Variants in STAT3 observed in about 807,000 individuals in gnomAD.
The protein encoded by STAT3 is signal transducer and activator of transcription 3.
A neutral mutation model predicts 114.3 loss-of-function variants in STAT3; 7 were observed. The observed-to-expected ratio is 0.06, with a 90% confidence interval of 0.03 to 0.11. The LOEUF (loss-of-function observed/expected upper bound fraction) is 0.11, where lower values mean the gene tolerates loss of function less well. Among genes scored for constraint, STAT3 ranks in the 10% least tolerant of loss-of-function variants. The probability of loss-of-function intolerance (pLI) is 1.00; values close to 1 mark genes in which losing one functional copy is unlikely to be tolerated. For synonymous variants in STAT3, 331 were observed against 354.5 expected (o/e 0.93, Z 0.74); for missense variants, 364 against 960.9 (o/e 0.38, Z 8.21).
In STAT3 at chr17:42,367,197, G is replaced by A. The variant is rs542368384; in HGVS notation, c.-23-18658C>T. On this transcript the variant is annotated intron_variant, in intron 1 of 23. Coordinates refer to ENST00000264657, the MANE Select transcript of STAT3 (RefSeq NM_139276.3). ...ATAAAAATAAAAACAGAAATTCGCC[G>A]GCATGGTGGCCCAAGCCTGTAATCC... is the stretch of plus-strand genomic sequence containing the variant. Among the ~76,000 whole-genome samples, 19 of 151,842 alleles carry A rather than the reference G, an allele frequency of 1.3e-4. 2 individuals carry two copies. The highest frequency in any genetic ancestry group is 3.4e-4 in the African/African-American group (14 of 41,404).
chr17:42,330,141 A>G (rs1487998379), intron 11 of STAT3, among the ~76,000 whole-genome samples: 1 of 146,902 alleles, frequency 6.8e-6, no homozygotes. Context: ...TTTTTGAGAT[A>G]GTTTCGCTCT....
chr17:42,365,774 A>G (rs982706349), intron 1 of STAT3, among the ~76,000 whole-genome samples: 3 of 150,076 alleles, frequency 2.0e-5, no homozygotes, highest in African/African-American at 7.4e-5. Flanking sequence ...TCCTGCCTCA[A>G]CCTCCCAAGT....
intron 14 of STAT3, among the ~76,000 whole-genome samples, chr17:42,327,830 G>A (rs909604205): frequency 2.5e-4 from 38 of 152,038 alleles, no homozygotes; most frequent in African/African-American, 8.7e-4. Context: ...GGTGGATCAC[G>A]AGGTCAGGAG....
chr17:42,336,335 A>T (rs571894877), intron 8 of STAT3, among the ~76,000 whole-genome samples: 1 of 152,198 alleles, frequency 6.6e-6, no homozygotes, highest in Non-Finnish European at 1.5e-5. Flanking sequence ...GGCAGCTCAC[A>T]TCTATAATTC....
At chr17:42,372,366 C>G (rs2084198263) in intron 1 of STAT3, among the ~76,000 whole-genome samples, 1 of 152,086 alleles carries the variant, frequency 6.6e-6, no homozygotes, top group Non-Finnish European at 1.5e-5. Context: ...TAGAGTATTA[C>G]TCACCAATGA....
rs767594035 is a variant in STAT3, at chr17:42,346,695, T to C, written c.147A>G (p.Lys49=). The C allele has an allele frequency of 2.2e-5, 35 of 1,614,148 alleles. No individual in the cohort carries two copies. The highest frequency in any genetic ancestry group is 2.6e-5 in the Non-Finnish European group (31 of 1,180,022). ...GAAACACCAAAGTGGCATGTGATTC[T>C]TTGCTGGCCGCATATGCCCTAGGAA... ...ESQDWAYAAS[K]ESHATLVFHN... is the part of the protein sequence containing the mutation. The change falls in exon 3 of 24, where the codon AAA becomes AAG. Residue 49 remains lysine (K), a synonymous_variant. Transcript: ENST00000264657.
At position 42,346,641 on chromosome 17, in the gene STAT3, C is replaced by T; in HGVS notation, c.201G>A (p.Gln67=). 1 of 1,614,170 alleles carries T rather than the reference C, an allele frequency of 6.2e-7. No individual in the cohort carries two copies. Among genetic ancestry groups the T allele is most frequent in the Non-Finnish European group, 8.5e-7 (1 of 1,180,034 alleles). ...FHNLLGEIDQ[Q]YSRFLQESNV... ...TCGACTCTTGCAGGAAGCGGCTATA[C>T]TGCTGGTCAATCTCTCCCAGGAGAT... The change falls in exon 3 of 24, where the codon CAG becomes CAA. Residue 67 remains glutamine, a synonymous_variant. Transcript: ENST00000264657.
intron 1 of STAT3, among the ~76,000 whole-genome samples, chr17:42,370,483 T>C (rs1010112326): frequency 1.3e-5 from 2 of 151,842 alleles, no homozygotes. Context: ...TGACCTCGGG[T>C]GATCTGCCCA....
chr17:42,360,419 T>C (rs1408345720), intron 1 of STAT3, among the ~76,000 whole-genome samples: 1 of 151,542 alleles, frequency 6.6e-6, no homozygotes, highest in Non-Finnish European at 1.5e-5. Flanking sequence ...CTGAGGCAGG[T>C]GGATCACCTG....
chr17:42,338,915 A>C, intron 5 of STAT3, 103 bp from the exon 6 acceptor site: 1 of 1,075,048 alleles, frequency 9.3e-7, no homozygotes, highest in East Asian at 2.4e-5. Context: ...CCAAAACCTC[A>C]AAAAAGATAC....
intron 1 of STAT3, among the ~76,000 whole-genome samples, chr17:42,367,583 T>G (rs1403525332): frequency 6.6e-6 from 1 of 152,146 alleles, no homozygotes; most frequent in Non-Finnish European, 1.5e-5. Context: ...CCTAGATATC[T>G]CCATGGCTTG....
chr17:42,330,174 T>C (rs992183589), intron 11 of STAT3, among the ~76,000 whole-genome samples: 1 of 151,730 alleles, frequency 6.6e-6, no homozygotes, highest in African/African-American at 2.4e-5. Flanking sequence ...TGGAGTGCAA[T>C]GGTGTGATCT....
rs1215383977 is a variant in STAT3 at position 42,323,765 on chromosome 17, T to TTG, written c.1601-142_1601-141dup. On this transcript the variant is annotated intron_variant, in intron 17 of 23. Coordinates refer to ENST00000264657, the MANE Select transcript of STAT3 (RefSeq NM_139276.3). ...TTCACATCTTTGAAGGTAGGCACTGTTGTGTGTGTGCACATGAGGACAAAC... is the reference window on the plus strand; with the variant it reads ...TTCACATCTTTGAAGGTAGGCACTGTTGTGTGTGTGTGCACATGAGGACAAAC... 3.6e-6 allele frequency: 3 copies of TTG among 824,524 alleles called. No individual in the cohort carries two copies. The East Asian group carries it at 7.9e-5, about 22-fold the overall frequency. 51.1% of individuals were successfully genotyped at this position (824,524 alleles called of 1,614,324 possible).
At chr17:42,334,699 C>G (rs2082160709) in intron 8 of STAT3, among the ~76,000 whole-genome samples, 1 of 152,136 alleles carries the variant, frequency 6.6e-6, no homozygotes, top group Non-Finnish European at 1.5e-5. Context: ...TCTGCCTCGA[C>G]CTCCCGAAGT....
At chr17:42,334,187 T>G in intron 8 of STAT3, 138 bp from the exon 9 acceptor site, 3 of 944,840 alleles carry the variant, frequency 3.2e-6, no homozygotes, top group East Asian at 2.6e-5. Context: ...GAAATATATA[T>G]AGCATGAAAT....
chr17:42,356,634 TTGTGTTTG>T (rs1336158975), intron 1 of STAT3, among the ~76,000 whole-genome samples: 1 of 151,878 alleles, frequency 6.6e-6, no homozygotes, highest in Admixed American at 6.6e-5. Context: ...GAAAAGAGTA[TTGTGTTTG>T]TTTGTTTGTT....
intron 1 of STAT3, among the ~76,000 whole-genome samples, chr17:42,383,882 A>G (rs1319580827): frequency 6.6e-6 from 1 of 152,166 alleles, no homozygotes; most frequent in African/African-American, 2.4e-5. Flanking sequence ...CTCAAAAAAC[A>G]CTTCTGCACT....
At position 42,352,827 on chromosome 17, in the gene STAT3, A is replaced by G. The variant is rs2145067025; in HGVS notation, c.-23-4288T>C. ...CTACACAGTCCAGTATGGAGTCACT[A>G]GCCACATGTGGCTACTGAGCACTTG... On this transcript the variant is annotated intron_variant, in intron 1 of 23. Coordinates refer to ENST00000264657, the MANE Select transcript of STAT3 (RefSeq NM_139276.3). 2.6e-5 allele frequency among the ~76,000 whole-genome samples: 4 copies of G among 152,334 alleles called. No homozygotes were observed. The Middle Eastern group carries it at 0.014, about 518-fold the overall frequency.
In STAT3 at chr17:42,326,292, G is replaced by A. The variant is rs141807623; in HGVS notation, c.1282-93C>T. ...GGAGGCCAAGGCAGGAGGATTGCCT[G>A]AGCCCAGGAGTTCGAGACCAGTCTA... On this transcript the variant is annotated intron_variant, in intron 14 of 23. Coordinates refer to ENST00000264657, the MANE Select transcript of STAT3 (RefSeq NM_139276.3). The A allele has an allele frequency of 3.9e-3, 4,509 of 1,141,812 alleles. 128 individuals are homozygous for A. In the African/African-American group the frequency reaches 0.059, roughly 15 times the overall value. The allele number at this position is 1,141,812 out of a possible 1,614,324, so 70.7% of individuals were successfully genotyped here. A position where few individuals can be genotyped will look rare whatever the true frequency, so the allele number is the denominator to read the frequency against.
Sources: allele counts gnomAD v4.1 joint callset (sites outside exome capture counted in the v4.1 genomes callset), GRCh38; gene constraint gnomAD v4.1.1; transcripts MANE v1.5; gene names NCBI Gene and HGNC (gene_info 2026-07-23, HGNC 2026-07-21).